Variants in SNX25 observed in about 807,000 individuals in gnomAD.
SNX25 encodes sorting nexin-25.
A neutral mutation model predicts 113.7 loss-of-function variants in SNX25; 62 were observed. That is an observed-to-expected ratio of 0.55 (90% confidence interval 0.44 to 0.67). SNX25 has a LOEUF of 0.67. Ranked by LOEUF, SNX25 falls within the 30% of genes least tolerant of loss-of-function variation. SNX25 has a pLI of 0.00. For synonymous variants in SNX25, 421 were observed against 436.2 expected (o/e 0.97, Z 0.43); for missense variants, 1,014 against 1,161.0 (o/e 0.87, Z 1.84).
intron 9 of SNX25, among the ~76,000 whole-genome samples, chr4:185,325,093 A>G (rs560612177): frequency 2.6e-5 from 4 of 152,302 alleles, no homozygotes; most frequent in Non-Finnish European, 5.9e-5. Context: ...GTATTCCCTT[A>G]GCTTTTTAGC....
intron 2 of SNX25, among the ~76,000 whole-genome samples, chr4:185,255,747 G>A (rs190550512): frequency 7.7e-4 from 117 of 152,274 alleles, no homozygotes; most frequent in African/African-American, 2.6e-3. Flanking sequence ...TGGCAGGTAG[G>A]AGTCTTGACT....
At chr4:185,342,183 A>G in intron 12 of SNX25, 67 bp downstream of exon 12, 1 of 1,422,808 alleles carries the variant, frequency 7.0e-7, no homozygotes, top group Non-Finnish European at 9.3e-7. Context: ...TTTTACACAT[A>G]AGAAAGCTGA....
At chr4:185,218,982 G>C (rs1739344094) in intron 1 of SNX25, among the ~76,000 whole-genome samples, 1 of 152,102 alleles carries the variant, frequency 6.6e-6, no homozygotes, top group African/African-American at 2.4e-5. Context: ...CAGCATTTCT[G>C]GGAGCCCACA....
intron 10 of SNX25, among the ~76,000 whole-genome samples, chr4:185,338,426 C>T (rs191738441): frequency 3.2e-4 from 49 of 151,914 alleles, no homozygotes; most frequent in African/African-American, 1.1e-3. Flanking sequence ...TAGGCGCCGC[C>T]CCCAACCCCC....
chr4:185,275,943 A>G (rs896692121), intron 5 of SNX25, among the ~76,000 whole-genome samples: 2 of 152,242 alleles, frequency 1.3e-5, no homozygotes, highest in African/African-American at 2.4e-5. Context: ...TTTATGAAAA[A>G]TACTCTAAAA....
intron 9 of SNX25, 47 bp from the exon 10 acceptor site, chr4:185,332,548 A>G (rs1214609260): frequency 2.7e-6 from 4 of 1,506,406 alleles, no homozygotes; most frequent in Non-Finnish European, 2.7e-6. Flanking sequence ...ATAATTACTG[A>G]ATTTTCTATC....
At chr4:185,249,926 G>A (rs1159494170) in intron 2 of SNX25, among the ~76,000 whole-genome samples, 2 of 151,926 alleles carry the variant, frequency 1.3e-5, no homozygotes, top group African/African-American at 4.8e-5. Flanking sequence ...TCCAACATCC[G>A]GGCTATCTTG....
At chr4:185,343,603 T>C (rs1168613915) in intron 12 of SNX25, among the ~76,000 whole-genome samples, 5 of 152,248 alleles carry the variant, frequency 3.3e-5, no homozygotes, top group African/African-American at 9.6e-5. Flanking sequence ...AGATTATTAA[T>C]GGAATCTTAC....
chr4:185,245,618 C>T (rs1041454405), intron 1 of SNX25, among the ~76,000 whole-genome samples: 10 of 152,048 alleles, frequency 6.6e-5, no homozygotes, highest in Admixed American at 2.6e-4. Context: ...GGATTATAAG[C>T]GTAAGCCACT....
intron 5 of SNX25, among the ~76,000 whole-genome samples, chr4:185,283,969 C>G (rs1213721001): frequency 3.3e-5 from 5 of 152,112 alleles, no homozygotes; most frequent in Non-Finnish European, 7.3e-5. Flanking sequence ...GCATGAATCA[C>G]AAAGAATATC....
the SNX25 span, chr4:185,377,300 C>A: frequency 9.2e-6 from 3 of 326,214 alleles, no homozygotes; most frequent in Admixed American, 1.2e-4. Flanking sequence ...GGGTGGATCA[C>A]CTGAGTTTGG....
intron 6 of SNX25, among the ~76,000 whole-genome samples, chr4:185,293,826 G>A (rs536531179): frequency 2.0e-5 from 3 of 152,192 alleles, no homozygotes; most frequent in African/African-American, 7.2e-5. Context: ...TACCATGAGG[G>A]ATTGCAGCAC....
At chr4:185,239,449 C>T (rs756145645) in intron 1 of SNX25, among the ~76,000 whole-genome samples, 2 of 150,750 alleles carry the variant, frequency 1.3e-5, no homozygotes, top group African/African-American at 2.5e-5. Flanking sequence ...CACCGCTGCA[C>T]TCCAGCCTGG....
intron 5 of SNX25, 97 bp from the exon 6 acceptor site, chr4:185,287,915 T>G: frequency 1.1e-6 from 1 of 944,012 alleles, no homozygotes; most frequent in South Asian, 1.7e-5. Context: ...ACAGCTCCTG[T>G]GTTACATTTG....
Position 185,320,745 on chromosome 4 carries a change from GA to G in SNX25, c.1359del (p.Asp454IlefsTer24). 6.5e-7 allele frequency: 1 copy of G among 1,538,140 alleles called. No individual in the cohort carries two copies. The highest frequency in any genetic ancestry group is 8.7e-7 in the Non-Finnish European group (1 of 1,146,118). Reference protein sequence around the residue: ...GPQSQKILQFEDILANTFYRE... With the variant: ...GPQSQKILQFXDILANTFYRE... Reference sequence around the variant, plus strand: ...ATTCTCTTAATAGATTCTTCAGTTTGAAGATATCTTGGCCAATACGTTCTAC... The same window carrying G: ...ATTCTCTTAATAGATTCTTCAGTTTGAGATATCTTGGCCAATACGTTCTAC... On this transcript the variant is annotated frameshift_variant, in exon 8 of 19. Coordinates refer to ENST00000652585, the MANE Select transcript of SNX25 (RefSeq NM_001378034.2). LOFTEE classifies it high-confidence loss of function.
At chr4:185,337,697 A>AT (rs2095238870) in intron 10 of SNX25, among the ~76,000 whole-genome samples, 2 of 152,116 alleles carry the variant, frequency 1.3e-5, no homozygotes, top group South Asian at 4.1e-4. Context: ...CATCTATACC[A>AT]TTTTACATTC....
chr4:185,213,478 A>G (rs181296253), intron 1 of SNX25, among the ~76,000 whole-genome samples: 1 of 152,252 alleles, frequency 6.6e-6, no homozygotes, highest in Non-Finnish European at 1.5e-5. Context: ...AGTTTAGAAA[A>G]ACTTGGACTC....
chr4:185,211,778 G>C (rs1354878429), intron 1 of SNX25, among the ~76,000 whole-genome samples: 1 of 152,124 alleles, frequency 6.6e-6, no homozygotes, highest in African/African-American at 2.4e-5. Context: ...GGTGAGGGAA[G>C]GAAGTTTAGA....
chr4:185,376,948 A>G, the SNX25 span: 90 of 1,613,874 alleles, frequency 5.6e-5, 2 homozygotes, highest in South Asian at 9.9e-4. Flanking sequence ...AATATGCCAG[A>G]GTGTCTCCTT....
Sources: gnomAD v4.1 joint callset for allele counts (sites outside exome capture counted in the v4.1 genomes callset) on GRCh38, gnomAD v4.1.1 for gene constraint, MANE v1.5 for transcripts, NCBI Gene and HGNC (gene_info 2026-07-23, HGNC 2026-07-21) for gene names.